Variants in MAF observed in about 807,000 individuals in gnomAD.
The protein encoded by MAF is transcription factor Maf.
A neutral mutation model predicts 22.0 loss-of-function variants in MAF; 10 were observed. The observed-to-expected ratio is 0.45, with a 90% CI of 0.28 to 0.77. The LOEUF (loss-of-function observed/expected upper bound fraction) is 0.77, where lower values mean the gene tolerates loss of function less well. Among genes scored for constraint, MAF ranks in the 30% least tolerant of loss-of-function variants. The pLI is 0.12. For synonymous variants in MAF, 337 were observed against 255.8 expected (o/e 1.32, Z -3.03); for missense variants, 544 against 548.4 (o/e 0.99, Z 0.08).
At chr16:79,313,755 G>C in the MAF span, among the ~76,000 whole-genome samples, 1 of 152,092 alleles carries the variant, frequency 6.6e-6, no homozygotes, top group East Asian at 1.9e-4. Flanking sequence ...GCTCTCAATG[G>C]GGAAGAAATC....
the MAF span, among the ~76,000 whole-genome samples, chr16:79,215,133 T>TA: frequency 6.6e-6 from 1 of 152,220 alleles, no homozygotes; most frequent in Non-Finnish European, 1.5e-5. Flanking sequence ...CATAAATTGA[T>TA]AGAGCTGCAG....
At chr16:79,207,011 C>T in the MAF span, among the ~76,000 whole-genome samples, 1 of 152,146 alleles carries the variant, frequency 6.6e-6, no homozygotes, top group Non-Finnish European at 1.5e-5. Context: ...ATCCCAAGCA[C>T]CGAGGTATCT....
chr16:79,371,954 A>G, the MAF span, among the ~76,000 whole-genome samples: 1 of 152,210 alleles, frequency 6.6e-6, no homozygotes, highest in Non-Finnish European at 1.5e-5. Context: ...GATAAATAAC[A>G]TTCACCTTAA....
the MAF span, among the ~76,000 whole-genome samples, chr16:79,290,291 G>T: frequency 6.6e-6 from 1 of 152,328 alleles, no homozygotes; most frequent in Non-Finnish European, 1.5e-5. Flanking sequence ...TTTATCTGAT[G>T]AGAGATATAG....
At chr16:79,309,563 T>G in the MAF span, among the ~76,000 whole-genome samples, 1 of 152,228 alleles carries the variant, frequency 6.6e-6, no homozygotes. Flanking sequence ...TGGACAAATA[T>G]TTCATTTTTA....
the MAF span, among the ~76,000 whole-genome samples, chr16:79,480,461 G>A: frequency 6.6e-6 from 1 of 151,912 alleles, no homozygotes; most frequent in South Asian, 2.1e-4. Context: ...GAAGGGAGAC[G>A]AGTCTTCCTC....
the MAF span, among the ~76,000 whole-genome samples, chr16:79,311,127 G>A: frequency 6.6e-6 from 1 of 151,794 alleles, no homozygotes; most frequent in South Asian, 2.1e-4. Context: ...TTTCTACCTG[G>A]GTTCCCTTCC....
the MAF span, among the ~76,000 whole-genome samples, chr16:79,523,920 T>C: frequency 6.6e-6 from 1 of 152,194 alleles, no homozygotes; most frequent in Non-Finnish European, 1.5e-5. Flanking sequence ...TATTGTGGCT[T>C]ATTTCTTTTC....
the MAF span, among the ~76,000 whole-genome samples, chr16:79,490,688 G>A: frequency 6.6e-6 from 1 of 152,044 alleles, no homozygotes; most frequent in African/African-American, 2.4e-5. Context: ...TACAGAGATT[G>A]GAAAGTGGTA....
the MAF span, among the ~76,000 whole-genome samples, chr16:79,478,316 C>T: frequency 1.3e-5 from 2 of 152,326 alleles, no homozygotes; most frequent in Non-Finnish European, 1.5e-5. Flanking sequence ...CCTATTTTCT[C>T]ATTTTATAGA....
chr16:79,225,425 GCAACA>G, the MAF span, among the ~76,000 whole-genome samples: 1 of 152,024 alleles, frequency 6.6e-6, no homozygotes, highest in African/African-American at 2.4e-5. Flanking sequence ...GAAAACCTAG[GCAACA>G]CCATCCAGGT....
At chr16:79,292,095 G>C in the MAF span, among the ~76,000 whole-genome samples, 1 of 152,052 alleles carries the variant, frequency 6.6e-6, no homozygotes, top group Non-Finnish European at 1.5e-5. Flanking sequence ...ACTGGGACAA[G>C]GTTTTCCAAG....
chr16:79,558,590 G>A, the MAF span, among the ~76,000 whole-genome samples: 2 of 152,204 alleles, frequency 1.3e-5, no homozygotes, highest in African/African-American at 4.8e-5. Context: ...CACAAAGAGA[G>A]GGGAGTATGA....
the MAF span, among the ~76,000 whole-genome samples, chr16:79,345,783 T>C: frequency 6.7e-6 from 1 of 148,908 alleles, no homozygotes; most frequent in Non-Finnish European, 1.5e-5. Flanking sequence ...AATGTCTCTA[T>C]AGTATTCCAT....
At chr16:79,591,557 C>A (rs536361833), downstream of MAF, among the ~76,000 whole-genome samples, 1 of 152,130 alleles carries the variant, frequency 6.6e-6, no homozygotes, top group African/African-American at 2.4e-5. Flanking sequence ...ATAGAGGCTA[C>A]GATTTGTGTA....
chr16:79,346,045 T>A, the MAF span, among the ~76,000 whole-genome samples: 1 of 152,156 alleles, frequency 6.6e-6, no homozygotes. Context: ...TTTTTTTTTA[T>A]ACTTTAAGTT....
the MAF span, among the ~76,000 whole-genome samples, chr16:79,290,460 G>A: frequency 1.9e-4 from 29 of 152,304 alleles, no homozygotes; most frequent in Middle Eastern, 3.4e-3. Context: ...AGAGGTCTGA[G>A]AGTCAGAATC....
the MAF span, among the ~76,000 whole-genome samples, chr16:79,221,544 G>C: frequency 6.6e-6 from 1 of 152,316 alleles, no homozygotes; most frequent in South Asian, 2.1e-4. Flanking sequence ...ACTGTTTAAA[G>C]TATTAAAATC....
Position 79,599,561 on chromosome 16 carries a change from G to C in MAF, c.342C>G (p.Val114=), listed in dbSNP as rs372169635. 65 of 1,589,406 alleles carry C rather than the reference G, an allele frequency of 4.1e-5. No homozygotes were observed. The highest frequency in any genetic ancestry group is 5.3e-5 in the Non-Finnish European group (62 of 1,168,800). The stretch of plus-strand genomic sequence containing the variant: ...GGTGGCTGTTGCTGATGAGCGCCTC[G>C]ACCGCGTCCTCGGGGCTGAAGCCCA... ...EALGFSPEDA[V]EALISNSHQL... Residue 114 remains valine (V), a synonymous_variant, in exon 1 of 2, where the codon GTC becomes GTG. Coordinates refer to ENST00000326043, the MANE Select transcript of MAF (RefSeq NM_005360.5).
Sources: allele counts gnomAD v4.1 joint callset (sites outside exome capture counted in the v4.1 genomes callset), GRCh38; gene constraint gnomAD v4.1.1; transcripts MANE v1.5; gene names NCBI Gene and HGNC (gene_info 2026-07-23, HGNC 2026-07-21).